The following CFAP92 variants were observed in gnomAD, a reference collection of about 807,000 sequenced individuals.
CFAP92 encodes the protein cilia and flagella associated protein 92 (putative).
Under a neutral mutation model 106.3 loss-of-function variants are expected in CFAP92, and 86 were observed. That is an observed-to-expected ratio of 0.81 (90% CI 0.68 to 0.97). The LOEUF is 0.97. Ranked by LOEUF, CFAP92 falls within the 50% of genes least tolerant of loss-of-function variation. The probability of loss-of-function intolerance (pLI) is 0.00; values close to 1 mark genes in which losing one functional copy is unlikely to be tolerated. For missense variants in CFAP92, 1,204 were observed against 1,283.8 expected, an observed-to-expected ratio of 0.94 and a Z score of 0.95; for synonymous variants, 477 against 506.4, an observed-to-expected ratio of 0.94 and a Z score of 0.78.
intron 4 of CFAP92, among the ~76,000 whole-genome samples, chr3:128,981,072 C>G (rs1016030187): frequency 6.6e-6 from 1 of 150,972 alleles, no homozygotes; most frequent in South Asian, 2.1e-4. Context: ...AGTCTCGCTC[C>G]GTCACCCAGG....
chr3:128,916,333 A>C, intron 12 of CFAP92, 62 bp from the exon 13 acceptor site: 16 of 1,088,380 alleles, frequency 1.5e-5, no homozygotes, highest in South Asian at 4.7e-5. Context: ...ATGCCAGCTC[A>C]TATGCAGTGA....
chr3:129,010,120 C>T, the CFAP92 span, among the ~76,000 whole-genome samples: 2 of 152,240 alleles, frequency 1.3e-5, no homozygotes, highest in South Asian at 2.1e-4. The surrounding 1 kb of genome is among the most constrained non-coding windows in gnomAD (Gnocchi z 4.3). Flanking sequence ...AAGGGCGTAA[C>T]GCCTGGGACT....
intron 9 of CFAP92, among the ~76,000 whole-genome samples, chr3:128,955,579 C>T (rs1426502055): frequency 2.8e-4 from 12 of 42,836 alleles, no homozygotes; most frequent in Admixed American, 2.1e-3. Context: ...CCCGGCCAGC[C>T]GCCCCGCCCA....
intron 10 of CFAP92, among the ~76,000 whole-genome samples, chr3:128,937,614 AAAG>A (rs1187602602): frequency 2.0e-5 from 3 of 151,974 alleles, no homozygotes; most frequent in South Asian, 2.1e-4. Flanking sequence ...CAAAAAAAAA[AAAG>A]ATTTTTCTGG....
chr3:128,946,721 C>T (rs1940253775), intron 9 of CFAP92, among the ~76,000 whole-genome samples: 1 of 152,166 alleles, frequency 6.6e-6, no homozygotes, highest in African/African-American at 2.4e-5. Flanking sequence ...TGGAGATAGT[C>T]ACTTTCAACC....
In CFAP92 at chr3:128,910,141, G is replaced by C; in HGVS notation, c.*158C>G. The C allele has an allele frequency of 1.2e-6, 2 of 1,614,014 alleles. No individual in the cohort carries two copies. Among genetic ancestry groups the C allele is most frequent in the Non-Finnish European group, 1.7e-6 (2 of 1,180,036 alleles). ...CATCCGCATTGGGCTCCGCAACCACGACCACGAGGTGAGCCCAGCCCAGCC... is the reference window on the plus strand; with the variant it reads ...CATCCGCATTGGGCTCCGCAACCACCACCACGAGGTGAGCCCAGCCCAGCC... On this transcript the variant is annotated 3_prime_UTR_variant, in exon 16 of 16. Coordinates refer to ENST00000645291, the MANE Select transcript of CFAP92 (RefSeq NM_001394090.1).
chr3:128,960,900 C>T (rs966064737), intron 9 of CFAP92, among the ~76,000 whole-genome samples: 13 of 152,132 alleles, frequency 8.5e-5, no homozygotes, highest in African/African-American at 1.9e-4. Flanking sequence ...CGGCAAGTCC[C>T]GCTTTTCTAG....
At position 128,945,207 on chromosome 3, in the gene CFAP92, G is replaced by A. The variant is rs778762657; in HGVS notation, c.2122C>T (p.Arg708Cys). Residue 708 changes from arginine to cysteine, a missense_variant, in exon 10 of 16, where the codon CGT becomes TGT. Coordinates refer to ENST00000645291, the MANE Select transcript of CFAP92 (RefSeq NM_001394090.1). ...TGCTGCTGCTCCTGGACCCGCACAC[G>A]CACCTTGAAGGCTGACAGGATCTGC... ...LQQILSAFKV[R>C]VRVQEQQHLD... The A allele has an allele frequency of 2.1e-5, 33 of 1,536,062 alleles. No homozygotes were observed. The highest frequency in any genetic ancestry group is 4.1e-5 in the African/African-American group (3 of 73,044).
At chr3:129,016,910 T>C in the CFAP92 span, among the ~76,000 whole-genome samples, 1 of 152,212 alleles carries the variant, frequency 6.6e-6, no homozygotes, top group Non-Finnish European at 1.5e-5. Flanking sequence ...CAACTCAGAA[T>C]GGCTTAAACC....
chr3:128,941,266 C>T (rs991593169), intron 10 of CFAP92, among the ~76,000 whole-genome samples: 2 of 152,026 alleles, frequency 1.3e-5, no homozygotes, highest in Non-Finnish European at 2.9e-5. Flanking sequence ...TTCGATACCA[C>T]ATTAAATAAT....
intron 9 of CFAP92, among the ~76,000 whole-genome samples, chr3:128,956,199 A>G (rs1388638458): frequency 9.8e-6 from 1 of 102,066 alleles, no homozygotes; most frequent in African/African-American, 7.6e-5. Flanking sequence ...AAAAAAATAA[A>G]AAAAAAATAA....
At chr3:128,974,827 A>G (rs1477895099) in intron 7 of CFAP92, among the ~76,000 whole-genome samples, 2 of 150,974 alleles carry the variant, frequency 1.3e-5, no homozygotes, top group Non-Finnish European at 2.9e-5. Context: ...TCTCAGAAAA[A>G]AAAAGAAGAG....
rs1399068658 is a variant in CFAP92 at position 128,945,365 on chromosome 3, C to A, written c.1964G>T (p.Gly655Val). ...GAAGATGATGCGGCCAAACTGGGAG[C>A]CCCCAAGGTCAGGATCAGCAGCTCT... ...GARAADPDLG[G>V]SQFGRIIFVF... is the part of the protein sequence containing the mutation. The change falls in exon 10 of 16, where the codon GGC (glycine) becomes GTC (valine). Residue 655 changes from glycine (G) to valine (V), a missense_variant. By Grantham distance (109) the Gly-to-Val change is moderately radical (BLOSUM62 -3). Transcript: ENST00000645291. 1.3e-6 allele frequency: 2 copies of A among 1,536,006 alleles called. No homozygotes were observed. Among genetic ancestry groups the A allele is most frequent in the Admixed American group, 3.9e-5 (2 of 50,980 alleles).
At chr3:129,004,256 C>T (rs1459857453), upstream of CFAP92, among the ~76,000 whole-genome samples, 1 of 152,184 alleles carries the variant, frequency 6.6e-6, no homozygotes, top group Non-Finnish European at 1.5e-5. Context: ...AAGTCTGCTC[C>T]ATTGCTTGCT....
Position 128,976,966 on chromosome 3 carries a change from G to A in CFAP92, c.896+13C>T, listed in dbSNP as rs6779413. The A allele has an allele frequency of 0.014, 22,529 of 1,608,358 alleles. 1,201 individuals are homozygous for A. In the African/African-American group the frequency reaches 0.17, roughly 12 times the overall value. Reference sequence around the variant, plus strand: ...CTCCACTCCCACCACCCAAAATATCGTTCAATCCTTACTGAATCGTGGAAG... The same window carrying A: ...CTCCACTCCCACCACCCAAAATATCATTCAATCCTTACTGAATCGTGGAAG... On this transcript the variant is annotated intron_variant, in intron 6 of 15. Coordinates refer to ENST00000645291, the MANE Select transcript of CFAP92 (RefSeq NM_001394090.1).
At chr3:128,964,048 T>C (rs901043395) in intron 9 of CFAP92, among the ~76,000 whole-genome samples, 1 of 152,186 alleles carries the variant, frequency 6.6e-6, no homozygotes, top group Non-Finnish European at 1.5e-5. Flanking sequence ...CTGTCAGACA[T>C]AATTCCTCAG....
chr3:129,002,295 A>T (rs1318505581), intron 1 of CFAP92: 2 of 1,526,538 alleles, frequency 1.3e-6, no homozygotes, highest in Non-Finnish European at 1.7e-6. Context: ...CGCGCTGCAG[A>T]GCAGTGATGC....
intron 7 of CFAP92, among the ~76,000 whole-genome samples, chr3:128,971,979 T>C (rs1942832782): frequency 6.6e-6 from 1 of 152,172 alleles, no homozygotes; most frequent in African/African-American, 2.4e-5. Flanking sequence ...CATATAAATC[T>C]ACGGTCATCA....
chr3:128,914,020 A>G (rs760219255), intron 15 of CFAP92, among the ~76,000 whole-genome samples: 1 of 152,164 alleles, frequency 6.6e-6, no homozygotes, highest in Admixed American at 6.5e-5. Flanking sequence ...CCATTCATCC[A>G]TCTGGGTTGA....
Sources: allele counts gnomAD v4.1 joint callset (sites outside exome capture counted in the v4.1 genomes callset), GRCh38; gene constraint gnomAD v4.1.1; non-coding constraint Gnocchi (gnomAD v3.1); transcripts MANE v1.5; gene names NCBI Gene and HGNC (gene_info 2026-07-23, HGNC 2026-07-21).